KIF16B: variants seen among roughly 807,000 people sequenced by gnomAD.
KIF16B encodes kinesin family member 16B.
In KIF16B, 98 loss-of-function variants were observed where a neutral mutation model predicts 156.3. The ratio of observed to expected loss-of-function variants is 0.63; its 90% confidence interval spans 0.53 to 0.74. The LOEUF (loss-of-function observed/expected upper bound fraction) is 0.74, where lower values mean the gene tolerates loss of function less well. Among genes scored for constraint, KIF16B ranks in the 30% least tolerant of loss-of-function variants. The pLI is 0.00. For missense variants in KIF16B, 1,421 were observed against 1,606.5 expected (o/e 0.88, Z 1.97); for synonymous variants, 564 against 583.7 (o/e 0.97, Z 0.49).
chr20:16,286,105 A>G (rs1392163522), intron 25 of KIF16B, among the ~76,000 whole-genome samples: 1 of 152,232 alleles, frequency 6.6e-6, no homozygotes, highest in Non-Finnish European at 1.5e-5. Flanking sequence ...CTTTAGTCGA[A>G]TGATGTATCC....
chr20:16,427,352 C>T lies in KIF16B; in HGVS notation c.1475-111G>A, dbSNP rs546958813. On this transcript the variant is annotated intron_variant, in intron 14 of 25. Transcript: ENST00000354981. The stretch of plus-strand genomic sequence containing the variant: ...TTTCCTTTTGAATACTCTTCCTTTT[C>T]CACATAAGTATCATGAAGTGAACAT... The T allele has an allele frequency of 7.6e-4, 797 of 1,045,684 alleles. 1 individual carries two copies. The highest frequency in any genetic ancestry group is 4.9e-3 in the Middle Eastern group (19 of 3,906). 64.8% of individuals were successfully genotyped at this position (1,045,684 alleles called of 1,614,324 possible). A position where few individuals can be genotyped will look rare whatever the true frequency, so the allele number is the denominator to read the frequency against.
intron 25 of KIF16B, among the ~76,000 whole-genome samples, chr20:16,307,858 GA>G (rs2063563712): frequency 6.6e-6 from 1 of 152,032 alleles, no homozygotes; most frequent in African/African-American, 2.4e-5. Context: ...CCGTGGTTAA[GA>G]AATACTATAT....
chr20:16,322,349 C>T (rs561984483), intron 24 of KIF16B, among the ~76,000 whole-genome samples: 63 of 151,844 alleles, frequency 4.1e-4, no homozygotes, highest in African/African-American at 1.5e-3. Context: ...ACCACCAAGC[C>T]TCTACATTTT....
intron 4 of KIF16B, among the ~76,000 whole-genome samples, chr20:16,514,211 T>C (rs916107766): frequency 3.9e-5 from 6 of 152,092 alleles, no homozygotes; most frequent in South Asian, 4.1e-4. Flanking sequence ...GTTTTTTTTT[T>C]CCAAAGGCAC....
intron 15 of KIF16B, among the ~76,000 whole-genome samples, chr20:16,421,543 C>G (rs368136735): frequency 6.6e-6 from 1 of 152,070 alleles, no homozygotes; most frequent in Admixed American, 6.6e-5. Context: ...TTTTAATAAT[C>G]CACAAACATC....
chr20:16,556,989 A>G (rs1047628285), intron 1 of KIF16B, among the ~76,000 whole-genome samples: 9 of 151,950 alleles, frequency 5.9e-5, no homozygotes, highest in African/African-American at 1.7e-4. Flanking sequence ...TGAACACCTG[A>G]TATGTGACTA....
chr20:16,334,472 C>G (rs527338292), intron 24 of KIF16B, among the ~76,000 whole-genome samples: 10 of 152,280 alleles, frequency 6.6e-5, no homozygotes, highest in African/African-American at 2.2e-4. Context: ...CAAATTCCCA[C>G]TTGAAGTTTC....
chr20:16,356,426 T>G lies in KIF16B; in HGVS notation c.3525A>C (p.Ala1175=), dbSNP rs1250992201. The change falls in exon 23 of 26, where the codon GCA becomes GCC. Residue 1175 remains alanine (A), a synonymous_variant. Transcript: ENST00000354981. ...YERMVSRSLG[A]NPDDLKDPIK... ...TTGGGTCCTTCAGGTCATCTGGATT[T>G]GCGCCCAAAGAGCGAGAAACCATCC... 1 of 1,614,030 alleles carries G rather than the reference T, an allele frequency of 6.2e-7. No homozygotes were observed. Among genetic ancestry groups the G allele is most frequent in the East Asian group, 2.2e-5 (1 of 44,890 alleles).
chr20:16,418,799 T>C (rs1302407526), intron 15 of KIF16B, among the ~76,000 whole-genome samples: 4 of 152,158 alleles, frequency 2.6e-5, no homozygotes, highest in Non-Finnish European at 5.9e-5. Context: ...ACTTCTCCTA[T>C]AGCTTATTAA....
At chr20:16,492,708 G>A (rs1035676865) in intron 12 of KIF16B, among the ~76,000 whole-genome samples, 103 of 152,238 alleles carry the variant, frequency 6.8e-4, no homozygotes, top group African/African-American at 1.8e-3. Context: ...GGACGCTGCC[G>A]CAGCAGCAGA....
At position 16,365,186 on chromosome 20, in the gene KIF16B, G is replaced by A. The variant is rs147950585; in HGVS notation, c.3498+5400C>T. ...AAGAAAATATGAGAAAATACTGGATGGAACAACTTGAAAAAAGGAATGCAA... is the reference window on the plus strand; with the variant it reads ...AAGAAAATATGAGAAAATACTGGATAGAACAACTTGAAAAAAGGAATGCAA... On this transcript the variant is annotated intron_variant, in intron 22 of 25. Coordinates refer to ENST00000354981, the MANE Select transcript of KIF16B (RefSeq NM_024704.5). Among the ~76,000 whole-genome samples, 5 of 151,482 alleles carry A rather than the reference G, an allele frequency of 3.3e-5. 1 individual carries two copies. In the East Asian group the frequency reaches 9.7e-4, roughly 29 times the overall value.
intron 12 of KIF16B, among the ~76,000 whole-genome samples, chr20:16,493,799 A>C (rs1392794370): frequency 6.6e-6 from 1 of 152,236 alleles, no homozygotes; most frequent in African/African-American, 2.4e-5. Flanking sequence ...AGGCCATCCC[A>C]GTCTAGTCCT....
At chr20:16,392,063 A>G (rs2065380248) in intron 17 of KIF16B, among the ~76,000 whole-genome samples, 1 of 152,180 alleles carries the variant, frequency 6.6e-6, no homozygotes, top group African/African-American at 2.4e-5. Context: ...GCATGCTCTC[A>G]TGTTTACAAT....
chr20:16,499,673 A>G (rs2068559629), intron 10 of KIF16B, among the ~76,000 whole-genome samples: 1 of 152,230 alleles, frequency 6.6e-6, no homozygotes, highest in Non-Finnish European at 1.5e-5. Flanking sequence ...TACAGAATCC[A>G]TTGTTGAGAC....
intron 24 of KIF16B, among the ~76,000 whole-genome samples, chr20:16,329,489 A>G (rs976528693): frequency 6.6e-6 from 1 of 152,230 alleles, no homozygotes; most frequent in East Asian, 1.9e-4. Context: ...AATTATTCGC[A>G]TGATAAAATT....
chr20:16,479,659 T>G (rs537889147), intron 12 of KIF16B, among the ~76,000 whole-genome samples: 1 of 152,322 alleles, frequency 6.6e-6, no homozygotes, highest in African/African-American at 2.4e-5. Flanking sequence ...TACTGTACCT[T>G]TCCTATGTTT....
chr20:16,439,891 C>A (rs2066747179), intron 12 of KIF16B, among the ~76,000 whole-genome samples: 1 of 152,124 alleles, frequency 6.6e-6, no homozygotes, highest in South Asian at 2.1e-4. Context: ...AATTACCTCC[C>A]ACCAAGTCCC....
At chr20:16,382,571 G>A (rs2065123559) in intron 17 of KIF16B, among the ~76,000 whole-genome samples, 1 of 152,160 alleles carries the variant, frequency 6.6e-6, no homozygotes, top group African/African-American at 2.4e-5. Flanking sequence ...AAGTGATTTA[G>A]GTCATTGGGA....
chr20:16,297,284 TC>T (rs1451560464), intron 25 of KIF16B, among the ~76,000 whole-genome samples: 1 of 152,210 alleles, frequency 6.6e-6, no homozygotes, highest in East Asian at 1.9e-4. Flanking sequence ...TAACAGAGCT[TC>T]CAAACCACAA....
Sources: gnomAD v4.1 joint callset for allele counts (sites outside exome capture counted in the v4.1 genomes callset) on GRCh38, gnomAD v4.1.1 for gene constraint, MANE v1.5 for transcripts, NCBI Gene and HGNC (gene_info 2026-07-23, HGNC 2026-07-21) for gene names.